Variants in ANKRD17 observed in about 807,000 individuals in gnomAD.
ANKRD17 encodes the protein ankyrin repeat domain 17.
In ANKRD17, 19 loss-of-function variants were observed where a neutral mutation model predicts 229.7. The observed-to-expected ratio is 0.08, with a 90% CI of 0.06 to 0.12. ANKRD17 has a LOEUF of 0.12. ANKRD17 is among the 10% of genes least tolerant of loss of function. ANKRD17 has a pLI of 1.00. For missense variants in ANKRD17, 2,176 were observed against 3,176.8 expected (o/e 0.68, Z 7.57); for synonymous variants, 1,112 against 1,146.1 (o/e 0.97, Z 0.60).
chr4:73,185,542 G>T (rs1041744038), intron 1 of ANKRD17, among the ~76,000 whole-genome samples: 1 of 151,882 alleles, frequency 6.6e-6, no homozygotes, highest in Non-Finnish European at 1.5e-5. Flanking sequence ...AGTCAATGCA[G>T]AAAAATCCCT....
chr4:73,141,545 T>C (rs1729605081), intron 14 of ANKRD17, among the ~76,000 whole-genome samples, 196 bp downstream of exon 14: 1 of 152,234 alleles, frequency 6.6e-6, no homozygotes, highest in African/African-American at 2.4e-5. Flanking sequence ...GAATTTCTCA[T>C]GCTAAAACTT....
chr4:73,222,802 T>C (rs1183936422), intron 1 of ANKRD17, among the ~76,000 whole-genome samples: 1 of 152,212 alleles, frequency 6.6e-6, no homozygotes, highest in East Asian at 1.9e-4. Flanking sequence ...ATAGTAATCA[T>C]GTGAACCAGT....
At chr4:73,159,134 G>A (rs905025875) in intron 3 of ANKRD17, among the ~76,000 whole-genome samples, 2 of 151,962 alleles carry the variant, frequency 1.3e-5, no homozygotes, top group East Asian at 1.9e-4. Flanking sequence ...TGAAAGTCTC[G>A]ACCAGTACTA....
At chr4:73,147,839 T>C (rs527703298) in intron 8 of ANKRD17, among the ~76,000 whole-genome samples, 1 of 152,228 alleles carries the variant, frequency 6.6e-6, no homozygotes, top group South Asian at 2.1e-4. Context: ...TTACAACTTA[T>C]TTAGGTATTA....
At chr4:73,221,530 T>G (rs1392665377) in intron 1 of ANKRD17, among the ~76,000 whole-genome samples, 1 of 152,120 alleles carries the variant, frequency 6.6e-6, no homozygotes, top group Non-Finnish European at 1.5e-5. Flanking sequence ...CCAAAAAATT[T>G]TAAAAGCAAA....
chr4:73,203,674 G>A (rs1170435154), intron 1 of ANKRD17, among the ~76,000 whole-genome samples: 1 of 150,046 alleles, frequency 6.7e-6, no homozygotes, highest in African/African-American at 2.5e-5. Flanking sequence ...AGGGAGAATG[G>A]TGTGAACCCA....
At position 73,204,358 on chromosome 4, in the gene ANKRD17, CAA is replaced by C. The variant is rs374000000; in HGVS notation, c.394-26827_394-26826del. Among the ~76,000 whole-genome samples the C allele has an allele frequency of 2.2e-4, 13 of 59,146 alleles. No individual in the cohort carries two copies. The South Asian group carries it at 7.4e-3, about 33-fold the overall frequency. The allele number at this position is 59,146 out of a possible 152,430, so 38.8% of individuals were successfully genotyped here. ...CCTGGGCGACAAAGTGAGACTCCGT[CAA>C]AAAAAAAAAAAAAAAAAAAGAAAAG... On this transcript the variant is annotated intron_variant, in intron 1 of 33. Coordinates refer to ENST00000358602, the MANE Select transcript of ANKRD17 (RefSeq NM_032217.5).
At position 73,095,842 on chromosome 4, in the gene ANKRD17, G is replaced by C. The variant is rs1723235577; in HGVS notation, c.5177+1275C>G. 2.0e-5 allele frequency among the ~76,000 whole-genome samples: 3 copies of C among 151,702 alleles called. No individual in the cohort carries two copies. The South Asian group carries it at 6.2e-4, about 32-fold the overall frequency. ...CTGAGATTACAAGCACAAACCACAT[G>C]CCCAGCTAATTTTTTAATTTTGTTT... On this transcript the variant is annotated intron_variant, in intron 27 of 33. Coordinates refer to ENST00000358602, the MANE Select transcript of ANKRD17 (RefSeq NM_032217.5).
intron 24 of ANKRD17, among the ~76,000 whole-genome samples, chr4:73,108,510 AG>A (rs1170353478): frequency 1.3e-5 from 2 of 152,222 alleles, no homozygotes; most frequent in African/African-American, 4.8e-5. Context: ...AAGAGGACAC[AG>A]GAACATCCAG....
chr4:73,130,089 A>C (rs1728005513), intron 16 of ANKRD17, among the ~76,000 whole-genome samples: 1 of 152,112 alleles, frequency 6.6e-6, no homozygotes, highest in Non-Finnish European at 1.5e-5. Flanking sequence ...AACATAATTA[A>C]ATTACCTTGA....
intron 1 of ANKRD17, among the ~76,000 whole-genome samples, chr4:73,203,115 C>T (rs1459602751): frequency 6.6e-6 from 1 of 152,144 alleles, no homozygotes; most frequent in East Asian, 1.9e-4. Flanking sequence ...AATAGCAAAA[C>T]TATAGGCTTA....
chr4:73,173,366 C>T (rs1167996604), intron 2 of ANKRD17, among the ~76,000 whole-genome samples: 1 of 152,140 alleles, frequency 6.6e-6, no homozygotes, highest in Non-Finnish European at 1.5e-5. Flanking sequence ...TAACATTCCA[C>T]TTTCAGCATT....
At chr4:73,226,904 CT>C (rs1742572324) in intron 1 of ANKRD17, among the ~76,000 whole-genome samples, 1 of 152,000 alleles carries the variant, frequency 6.6e-6, no homozygotes, top group African/African-American at 2.4e-5. Context: ...TTTACTCTAT[CT>C]TTAGGTCACT....
At chr4:73,250,116 C>CATTATA (rs1356112694) in intron 1 of ANKRD17, among the ~76,000 whole-genome samples, 4 of 152,142 alleles carry the variant, frequency 2.6e-5, no homozygotes, top group Admixed American at 6.5e-5. Context: ...CTTCACCCTA[C>CATTATA]ATTATACTAA....
At chr4:73,085,151 A>T in intron 30 of ANKRD17, 98 bp downstream of exon 30, 1 of 1,303,068 alleles carries the variant, frequency 7.7e-7, no homozygotes, top group Non-Finnish European at 1.1e-6. Flanking sequence ...AGTACAAATT[A>T]CCTTTTTATG....
intron 1 of ANKRD17, among the ~76,000 whole-genome samples, chr4:73,192,807 T>C (rs1244418015): frequency 6.6e-6 from 1 of 152,140 alleles, no homozygotes; most frequent in Non-Finnish European, 1.5e-5. Flanking sequence ...AGAAAAAGTT[T>C]TGGCAACAAA....
chr4:73,227,878 T>A (rs1445993023), intron 1 of ANKRD17, among the ~76,000 whole-genome samples: 1 of 152,134 alleles, frequency 6.6e-6, no homozygotes, highest in Non-Finnish European at 1.5e-5. Context: ...TGTTGTTTGT[T>A]CCCTTCATGT....
chr4:73,161,424 A>G (rs1732506416), intron 2 of ANKRD17, 76 bp from the exon 3 acceptor site: 1 of 1,456,684 alleles, frequency 6.9e-7, no homozygotes, highest in Non-Finnish European at 9.4e-7. Flanking sequence ...ACTTAAAGCT[A>G]TACTGTGTAT....
intron 1 of ANKRD17, among the ~76,000 whole-genome samples, chr4:73,239,525 T>A (rs1376749247): frequency 6.6e-6 from 1 of 152,072 alleles, no homozygotes; most frequent in East Asian, 1.9e-4. Context: ...AAAAAGAAAG[T>A]TTCAAACAAT....
Sources: gnomAD v4.1 joint callset for allele counts (sites outside exome capture counted in the v4.1 genomes callset) on GRCh38, gnomAD v4.1.1 for gene constraint, MANE v1.5 for transcripts, NCBI Gene and HGNC (gene_info 2026-07-23, HGNC 2026-07-21) for gene names.